Variants in ACOX3 observed in about 807,000 individuals in gnomAD.
ACOX3 encodes the protein peroxisomal acyl-coenzyme A oxidase 3.
ACOX3 carries 73 observed loss-of-function variants against 81.5 expected under a neutral mutation model. That is an observed-to-expected ratio of 0.90 (90% confidence interval 0.74 to 1.09). The LOEUF (loss-of-function observed/expected upper bound fraction) is 1.09, where lower values mean the gene tolerates loss of function less well. Among genes scored for constraint, ACOX3 ranks in the 50% least tolerant of loss-of-function variants. ACOX3 has a pLI of 0.00. For synonymous variants in ACOX3, 387 were observed against 375.1 expected (o/e 1.03, Z -0.37); for missense variants, 947 against 928.0 (o/e 1.02, Z -0.27).
At chr4:8,409,528 C>A (rs1394684835) in intron 6 of ACOX3, among the ~76,000 whole-genome samples, 1 of 111,970 alleles carries the variant, frequency 8.9e-6, no homozygotes. Context: ...TGCGGGTGGG[C>A]CTGTAGGATA....
At chr4:8,402,669 C>T (rs1720499933) in intron 7 of ACOX3, among the ~76,000 whole-genome samples, 1 of 152,338 alleles carries the variant, frequency 6.6e-6, no homozygotes, top group South Asian at 2.1e-4. Flanking sequence ...TCACATGTGG[C>T]CAACTCAAAT....
At position 8,406,454 on chromosome 4, in the gene ACOX3, A is replaced by G. The variant is rs886715155; in HGVS notation, c.688-411T>C. Among the ~76,000 whole-genome samples, 2 of 152,228 alleles carry G rather than the reference A, an allele frequency of 1.3e-5. No homozygotes were observed. The highest frequency in any genetic ancestry group is 4.8e-5 in the African/African-American group (2 of 41,450). ...GGGTTTCTCCCCGTGTGTGGAGACA[A>G]GAGAGCATAGAGATAAAGACACAAG... On this transcript the variant is annotated intron_variant, in intron 6 of 17. Coordinates refer to ENST00000356406, the MANE Select transcript of ACOX3 (RefSeq NM_003501.3). This position sits in a 1 kb window ranked among gnomAD's most constrained non-coding sequence, Gnocchi z 5.6.
intron 9 of ACOX3, among the ~76,000 whole-genome samples, chr4:8,395,503 T>C (rs924980108): frequency 6.6e-6 from 1 of 152,248 alleles, no homozygotes; most frequent in East Asian, 1.9e-4. Flanking sequence ...TCAAGAGTGC[T>C]GAGCAGACAT....
In ACOX3 at chr4:8,368,716, C is replaced by A. The variant is rs1047406614; in HGVS notation, c.1984-1636G>T. ...TGGTTAATACACCAGTTCCTTGCAACTGGAAGGAATGCACTTTTTTTTTTT... is the reference window on the plus strand; with the variant it reads ...TGGTTAATACACCAGTTCCTTGCAAATGGAAGGAATGCACTTTTTTTTTTT... On this transcript the variant is annotated intron_variant, in intron 17 of 17. Coordinates refer to ENST00000356406, the MANE Select transcript of ACOX3 (RefSeq NM_003501.3). The surrounding 1 kb of genome is among the most constrained non-coding windows in gnomAD (Gnocchi z 5.9). 1.3e-5 allele frequency among the ~76,000 whole-genome samples: 2 copies of A among 151,320 alleles called. No homozygotes were observed. Among genetic ancestry groups the A allele is most frequent in the African/African-American group, 4.9e-5 (2 of 41,076 alleles).
Position 8,399,656 on chromosome 4 carries a change from T to C in ACOX3, c.777-4A>G. ...GACCTTGTGGAACATGGCGAAACTG[T>C]GGGGAAGCAGCAGGGCTTCTGTTAA... On this transcript the variant is annotated splice_region_variant and splice_polypyrimidine_tract_variant and intron_variant, in intron 7 of 17. Transcript: ENST00000356406. This position sits in a 1 kb window ranked among gnomAD's most constrained non-coding sequence, Gnocchi z 4.9. The C allele has an allele frequency of 6.2e-7, 1 of 1,613,542 alleles. No homozygotes were observed. Among genetic ancestry groups the C allele is most frequent in the Non-Finnish European group, 8.5e-7 (1 of 1,179,516 alleles).
rs917632945 is a variant in ACOX3 at position 8,382,217 on chromosome 4, G to T, written c.1538-610C>A. Among the ~76,000 whole-genome samples the T allele has an allele frequency of 6.6e-6, 1 of 152,196 alleles. No individual in the cohort carries two copies. Among genetic ancestry groups the T allele is most frequent in the Non-Finnish European group, 1.5e-5 (1 of 68,024 alleles). On this transcript the variant is annotated intron_variant, in intron 13 of 17. Transcript: ENST00000356406. The surrounding 1 kb of genome is among the most constrained non-coding windows in gnomAD (Gnocchi z 4.1). ...AGGAGGGAGCAGATGTTGCAGACAG[G>T]GAGGCCCCGGGGTGGGGTGTCAGGC...
Position 8,431,086 on chromosome 4 carries a change from A to ATT in ACOX3, c.-15+9560_-15+9561dup. On this transcript the variant is annotated intron_variant, in intron 1 of 17. Transcript: ENST00000356406. The surrounding 1 kb of genome is among the most constrained non-coding windows in gnomAD (Gnocchi z 5.3). ...TGAGTGGCTTTTTATTGTTGGTTCT[A>ATT]TTTAAGTTAGGGCATCATCACAAAA... Among the ~76,000 whole-genome samples, 1 of 152,122 alleles carries ATT rather than the reference A, an allele frequency of 6.6e-6. No individual in the cohort carries two copies. Among genetic ancestry groups the ATT allele is most frequent in the East Asian group, 1.9e-4 (1 of 5,180 alleles).
rs1251675440 is a variant in ACOX3, at chr4:8,366,670, C to T, written c.*291G>A. 2 of 241,800 alleles carry T rather than the reference C, an allele frequency of 8.3e-6. No individual in the cohort carries two copies. Among genetic ancestry groups the T allele is most frequent in the Admixed American group, 1.0e-4 (2 of 19,788 alleles). The allele number at this position is 241,800 out of a possible 1,614,324, so 15.0% of individuals were successfully genotyped here. A position where few individuals can be genotyped will look rare whatever the true frequency, so the allele number is the denominator to read the frequency against. On this transcript the variant is annotated 3_prime_UTR_variant, in exon 18 of 18. Transcript: ENST00000356406. ...AGAGAAAGGAGCTGAACCCTGAAAACTGAATGTGCGAAATTCTAATTATCA... is the reference window on the plus strand; with the variant it reads ...AGAGAAAGGAGCTGAACCCTGAAAATTGAATGTGCGAAATTCTAATTATCA...
chr4:8,409,776 G>A (rs1181688192), intron 6 of ACOX3, among the ~76,000 whole-genome samples: 1 of 149,550 alleles, frequency 6.7e-6, no homozygotes, highest in African/African-American at 2.5e-5. Context: ...TGCACCGTGG[G>A]CAGGGCTATC....
intron 1 of ACOX3, among the ~76,000 whole-genome samples, chr4:8,439,907 A>T (rs899194453): frequency 1.3e-5 from 2 of 150,020 alleles, no homozygotes; most frequent in African/African-American, 4.9e-5. Context: ...ATAAGACAGG[A>T]GGAAAAGAGA....
chr4:8,400,250 C>CCATAAT lies in ACOX3; in HGVS notation c.777-599_777-598insATTATG, dbSNP rs1720221408. Among the ~76,000 whole-genome samples the CCATAAT allele has an allele frequency of 6.8e-6, 1 of 146,260 alleles. No individual in the cohort carries two copies. Among genetic ancestry groups the CCATAAT allele is most frequent in the Non-Finnish European group, 1.5e-5 (1 of 67,008 alleles). On this transcript the variant is annotated intron_variant, in intron 7 of 17. Transcript: ENST00000356406. The surrounding 1 kb of genome is among the most constrained non-coding windows in gnomAD (Gnocchi z 4.4). The stretch of plus-strand genomic sequence containing the variant: ...TTGGTGACAGAGCAAGACTCCACCT[C>CCATAAT]AATAATAATAATAATAATAATAATA...
At position 8,384,851 on chromosome 4, in the gene ACOX3, C is replaced by T. The variant is rs193000463; in HGVS notation, c.1538-3244G>A. Among the ~76,000 whole-genome samples, 5 of 152,326 alleles carry T rather than the reference C, an allele frequency of 3.3e-5. No homozygotes were observed. The East Asian group carries it at 7.7e-4, about 24-fold the overall frequency. ...TCACAGGCCCGGGTCTGACCATGCC[C>T]GCCGCTCTGGTGCTCCTGAATGGCC... is the stretch of plus-strand genomic sequence containing the variant. On this transcript the variant is annotated intron_variant, in intron 13 of 17. Transcript: ENST00000356406. The surrounding 1 kb of genome is among the most constrained non-coding windows in gnomAD (Gnocchi z 5.3).
intron 1 of ACOX3, among the ~76,000 whole-genome samples, chr4:8,433,425 A>C (rs1724062295): frequency 6.6e-6 from 1 of 152,264 alleles, no homozygotes; most frequent in Non-Finnish European, 1.5e-5. Context: ...GCTGGCAACC[A>C]CTACAAACTA....
chr4:8,426,123 G>A (rs947876535), intron 1 of ACOX3, among the ~76,000 whole-genome samples: 3 of 152,080 alleles, frequency 2.0e-5, no homozygotes, highest in Non-Finnish European at 2.9e-5. Context: ...GTGCTTGACC[G>A]AGAGACGGCC....
rs1311341827 is a variant in ACOX3 at position 8,390,982 on chromosome 4, T to C, written c.1301-1248A>G. Among the ~76,000 whole-genome samples, 4 of 152,212 alleles carry C rather than the reference T, an allele frequency of 2.6e-5. No homozygotes were observed. In the East Asian group the frequency reaches 7.7e-4, roughly 29 times the overall value. The stretch of plus-strand genomic sequence containing the variant: ...AAACCTAGATGGAGCCTCGGTCATA[T>C]TGGTCTCAATCCCAGCATATGTATA... On this transcript the variant is annotated intron_variant, in intron 11 of 17. Transcript: ENST00000356406.
chr4:8,404,794 C>G (rs532476106), intron 7 of ACOX3, among the ~76,000 whole-genome samples: 2 of 152,218 alleles, frequency 1.3e-5, no homozygotes, highest in African/African-American at 4.8e-5. Context: ...ATATGAAACA[C>G]GCATATCTAG....
intron 11 of ACOX3, among the ~76,000 whole-genome samples, 199 bp downstream of exon 11, chr4:8,392,134 C>T (rs1249281436): frequency 6.6e-6 from 1 of 152,246 alleles, no homozygotes; most frequent in Non-Finnish European, 1.5e-5. Context: ...TTACTCATCT[C>T]TGCCCTTGCA....
At chr4:8,401,831 A>G (rs1386019271) in intron 7 of ACOX3, among the ~76,000 whole-genome samples, 1 of 152,146 alleles carries the variant, frequency 6.6e-6, no homozygotes, top group Non-Finnish European at 1.5e-5. Flanking sequence ...CATGCCCTCC[A>G]TGCAGTCACT....
At chr4:8,357,786 C>T in the ACOX3 span, 143 of 168,156 alleles carry the variant, frequency 8.5e-4, no homozygotes, top group East Asian at 3.9e-3. Flanking sequence ...CCAAGCCCTC[C>T]GCCGCCCACA....
Sources: gnomAD v4.1 joint callset for allele counts (sites outside exome capture counted in the v4.1 genomes callset) on GRCh38, gnomAD v4.1.1 for gene constraint, Gnocchi (gnomAD v3.1) non-coding constraint, MANE v1.5 for transcripts, NCBI Gene and HGNC (gene_info 2026-07-23, HGNC 2026-07-21) for gene names.